Variants in SSU72 observed in about 807,000 individuals in gnomAD.
SSU72 encodes the protein RNA polymerase II subunit A C-terminal domain phosphatase SSU72.
SSU72 carries 12 observed loss-of-function variants against 22.7 expected under a neutral mutation model. The observed-to-expected ratio is 0.53, with a 90% CI of 0.34 to 0.86. The LOEUF (loss-of-function observed/expected upper bound fraction) is 0.86, where lower values mean the gene tolerates loss of function less well. SSU72 is among the 40% of genes least tolerant of loss of function. The pLI is 0.02. For missense variants in SSU72, 151 were observed against 249.8 expected, an observed-to-expected ratio of 0.60 and a Z score of 2.67; for synonymous variants, 116 against 98.3, an observed-to-expected ratio of 1.18 and a Z score of -1.06.
intron 2 of SSU72, among the ~76,000 whole-genome samples, chr1:1,559,472 C>A (rs1642559239): frequency 1.3e-5 from 2 of 152,188 alleles, no homozygotes; most frequent in African/African-American, 4.8e-5. Flanking sequence ...AAAAACAATT[C>A]TTGATAAAAC....
intron 2 of SSU72, chr1:1,563,207 TCTAC>T (rs1302559428): frequency 6.6e-6 from 1 of 152,190 alleles, no homozygotes; most frequent in Admixed American, 6.5e-5. Context: ...ACCTAATTAA[TCTAC>T]CTGTGTATAA....
At position 1,549,843 on chromosome 1, in the gene SSU72, G is replaced by A. The variant is rs967374931; in HGVS notation, c.225-4841C>T. ...TAAAAAATTAGCCGGGCATGGTGGC[G>A]GGTGCCTGTAATCCCACTGCTCAGG... On this transcript the variant is annotated intron_variant, in intron 2 of 4. Transcript: ENST00000291386. Among the ~76,000 whole-genome samples the A allele has an allele frequency of 6.6e-5, 10 of 152,006 alleles. 1 individual carries two copies. Among genetic ancestry groups the A allele is most frequent in the East Asian group, 1.9e-4 (1 of 5,158 alleles).
chr1:1,568,693 G>A (rs932135344), intron 1 of SSU72, among the ~76,000 whole-genome samples: 13 of 151,956 alleles, frequency 8.6e-5, no homozygotes, highest in Non-Finnish European at 1.8e-4. Context: ...GGGAGGCGGA[G>A]GAGGACGGAT....
chr1:1,567,356 A>G (rs1422727222), intron 1 of SSU72, among the ~76,000 whole-genome samples: 1 of 152,208 alleles, frequency 6.6e-6, no homozygotes, highest in Non-Finnish European at 1.5e-5. Context: ...CGGCTCTCCA[A>G]ACATCTACCA....
In SSU72 at chr1:1,543,866, T is replaced by C; in HGVS notation, c.483+3A>G. On this transcript the variant is annotated splice_donor_region_variant and intron_variant, in intron 4 of 4. Coordinates refer to ENST00000291386, the MANE Select transcript of SSU72 (RefSeq NM_014188.3). ...CCAGCGCGGCGCCCAGCCGGGTACT[T>C]ACACACTGGCAGAGCTCACAGATGA... 1 of 1,611,270 alleles carries C rather than the reference T, an allele frequency of 6.2e-7. No individual in the cohort carries two copies. Among genetic ancestry groups the C allele is most frequent in the Non-Finnish European group, 8.5e-7 (1 of 1,178,120 alleles).
At chr1:1,567,754 T>C (rs1570399380) in intron 1 of SSU72, among the ~76,000 whole-genome samples, 1 of 151,786 alleles carries the variant, frequency 6.6e-6, no homozygotes, top group Non-Finnish European at 1.5e-5. Context: ...CTATCTCTAC[T>C]AAAAATACAA....
In SSU72 at chr1:1,551,069, G is replaced by GTGCTTCC. The variant is rs1270970223; in HGVS notation, c.225-6068_225-6067insGGAAGCA. 3.3e-5 allele frequency among the ~76,000 whole-genome samples: 5 copies of GTGCTTCC among 152,192 alleles called. No homozygotes were observed. The East Asian group carries it at 9.7e-4, about 29-fold the overall frequency. On this transcript the variant is annotated intron_variant, in intron 2 of 4. Coordinates refer to ENST00000291386, the MANE Select transcript of SSU72 (RefSeq NM_014188.3). ...AGAGCAGGCCTGGCTGCTTCCCCAG[G>GTGCTTCC]CCAGCTGCACGGGGACCTTCCATGT...
chr1:1,549,973 CAA>C (rs536331143), intron 2 of SSU72, among the ~76,000 whole-genome samples: 20 of 93,180 alleles, frequency 2.1e-4, no homozygotes, highest in Non-Finnish European at 2.6e-4. Context: ...GACTCTGTCT[CAA>C]AAAAAAAAAA....
At chr1:1,548,956 G>A (rs947033238) in intron 2 of SSU72, among the ~76,000 whole-genome samples, 2 of 152,234 alleles carry the variant, frequency 1.3e-5, no homozygotes, top group African/African-American at 4.8e-5. Context: ...ATGGCCTCCT[G>A]AGTCTGGGGA....
rs1299357415 is a variant in SSU72 at position 1,554,384 on chromosome 1, C to T, written c.225-9382G>A. ...CACGAAGCTGAGCATGAGGCGGATC[C>T]GGCCCATTTGGGGGTCCCCACGAGC... On this transcript the variant is annotated intron_variant, in intron 2 of 4. Transcript: ENST00000291386. This position sits in a 1 kb window ranked among gnomAD's most constrained non-coding sequence, Gnocchi z 4.1. Among the ~76,000 whole-genome samples the T allele has an allele frequency of 1.2e-4, 18 of 152,190 alleles. No homozygotes were observed. Among genetic ancestry groups the T allele is most frequent in the South Asian group, 2.1e-4 (1 of 4,838 alleles).
intron 2 of SSU72, among the ~76,000 whole-genome samples, chr1:1,560,689 G>A (rs1289775365): frequency 9.9e-5 from 15 of 152,188 alleles, no homozygotes; most frequent in Non-Finnish European, 1.8e-4. Context: ...AGGAGATTTT[G>A]TATTTAAGAA....
At chr1:1,551,295 GT>G (rs1350479282) in intron 2 of SSU72, among the ~76,000 whole-genome samples, 3 of 152,138 alleles carry the variant, frequency 2.0e-5, no homozygotes, top group African/African-American at 7.2e-5. Flanking sequence ...AAGCCCCACA[GT>G]AAAGACACTC....
intron 2 of SSU72, among the ~76,000 whole-genome samples, chr1:1,557,356 T>G (rs2100713603): frequency 6.6e-6 from 1 of 151,904 alleles, no homozygotes; most frequent in South Asian, 2.1e-4. Flanking sequence ...GAGGTTGCAG[T>G]GAGCCGAGAT....
At chr1:1,570,850 G>A (rs532104185) in intron 1 of SSU72, among the ~76,000 whole-genome samples, 4 of 152,216 alleles carry the variant, frequency 2.6e-5, no homozygotes, top group South Asian at 2.1e-4. Context: ...GGTGGCTCAC[G>A]CCTGTAATCC....
intron 2 of SSU72, among the ~76,000 whole-genome samples, chr1:1,550,706 G>A (rs1642446302): frequency 1.3e-5 from 2 of 152,200 alleles, no homozygotes; most frequent in African/African-American, 2.4e-5. Flanking sequence ...GAGGAAGATG[G>A]AGGGAGGGCG....
chr1:1,573,550 G>C (rs1642766449), intron 1 of SSU72, among the ~76,000 whole-genome samples: 1 of 151,970 alleles, frequency 6.6e-6, no homozygotes, highest in African/African-American at 2.4e-5. Context: ...CCTGACTTCA[G>C]GTGATCCGCG....
At chr1:1,547,829 G>C (rs937339050) in intron 2 of SSU72, among the ~76,000 whole-genome samples, 4 of 152,248 alleles carry the variant, frequency 2.6e-5, no homozygotes, top group Admixed American at 1.3e-4. Flanking sequence ...TGCCGGGCGG[G>C]AGGAAGGGGA....
Position 1,554,548 on chromosome 1 carries a change from T to C in SSU72, c.225-9546A>G, listed in dbSNP as rs7366884. ...ACCAAGGTTTTCTCTTTTCACTCCC[T>C]AGGGGCCTTAGTGGGACCAGAACAT... On this transcript the variant is annotated intron_variant, in intron 2 of 4. Transcript: ENST00000291386. The surrounding 1 kb of genome is among the most constrained non-coding windows in gnomAD (Gnocchi z 4.1). Among the ~76,000 whole-genome samples the C allele has an allele frequency of 0.42, 63,656 of 152,016 alleles. 16,305 individuals carry two copies. Among genetic ancestry groups the C allele is most frequent in the East Asian group, 0.78 (4,028 of 5,172 alleles).
intron 2 of SSU72, among the ~76,000 whole-genome samples, chr1:1,550,251 A>T (rs2100708481): frequency 6.6e-6 from 1 of 151,800 alleles, no homozygotes; most frequent in Non-Finnish European, 1.5e-5. Context: ...ATGCCACCCA[A>T]CCAGCAGACA....
Sources: allele counts gnomAD v4.1 joint callset (sites outside exome capture counted in the v4.1 genomes callset), GRCh38; gene constraint gnomAD v4.1.1; non-coding constraint Gnocchi (gnomAD v3.1); transcripts MANE v1.5; gene names NCBI Gene and HGNC (gene_info 2026-07-23, HGNC 2026-07-21).